The following CSNK1G1 variants were observed in gnomAD, a reference collection of about 807,000 sequenced individuals.
CSNK1G1 encodes casein kinase 1 gamma 1.
CSNK1G1 carries 22 observed loss-of-function variants against 59.6 expected under a neutral mutation model. That is an observed-to-expected ratio of 0.37 (90% CI 0.26 to 0.53). The LOEUF (loss-of-function observed/expected upper bound fraction) is 0.53, where lower values mean the gene tolerates loss of function less well. Ranked by LOEUF, CSNK1G1 falls within the 20% of genes least tolerant of loss-of-function variation. The probability of loss-of-function intolerance (pLI) is 0.89; values close to 1 mark genes in which losing one functional copy is unlikely to be tolerated. For synonymous variants in CSNK1G1, 179 were observed against 177.1 expected, an observed-to-expected ratio of 1.01 and a Z score of -0.08; for missense variants, 384 against 519.5, an observed-to-expected ratio of 0.74 and a Z score of 2.54.
chr15:64,167,678 G>A lies in CSNK1G1; in HGVS notation c.*4253C>T, dbSNP rs1037055636. ...ACCTTAATATGGTTCTGACACTGGA[G>A]ACAATGTTGTTAGGGCAACTCAATG... On this transcript the variant is annotated 3_prime_UTR_variant, in exon 12 of 12. Coordinates refer to ENST00000303052, the MANE Select transcript of CSNK1G1 (RefSeq NM_022048.5). The A allele has an allele frequency of 6.5e-6, 1 of 152,686 alleles. No individual in the cohort carries two copies. Among genetic ancestry groups the A allele is most frequent in the African/African-American group, 2.4e-5 (1 of 41,458 alleles). 9.5% of individuals were successfully genotyped at this position (152,686 alleles called of 1,614,324 possible).
chr15:64,240,525 G>A (rs1054767227), intron 4 of CSNK1G1, among the ~76,000 whole-genome samples: 3 of 151,412 alleles, frequency 2.0e-5, no homozygotes, highest in Admixed American at 6.6e-5. Context: ...CACAAAGAGA[G>A]TACTCTAAAA....
chr15:64,216,850 G>A lies in CSNK1G1; in HGVS notation c.293-137C>T. The A allele has an allele frequency of 1.2e-6, 1 of 800,124 alleles. No individual in the cohort carries two copies. Among genetic ancestry groups the A allele is most frequent in the Admixed American group, 2.9e-5 (1 of 34,640 alleles). The allele number at this position is 800,124 out of a possible 1,614,324, so 49.6% of individuals were successfully genotyped here. ...TCCATTTTCTTTCATAGTCCCTACT[G>A]GAAACTCAAACTGAGCACAACAGCT... On this transcript the variant is annotated intron_variant, in intron 4 of 11. Coordinates refer to ENST00000303052, the MANE Select transcript of CSNK1G1 (RefSeq NM_022048.5). The surrounding 1 kb of genome is among the most constrained non-coding windows in gnomAD (Gnocchi z 4.6).
At chr15:64,225,660 C>T (rs576601696) in intron 4 of CSNK1G1, among the ~76,000 whole-genome samples, 5 of 152,062 alleles carry the variant, frequency 3.3e-5, no homozygotes, top group Admixed American at 1.3e-4. Flanking sequence ...GAGTTTCACT[C>T]GTGTCGCCCA....
intron 2 of CSNK1G1, among the ~76,000 whole-genome samples, chr15:64,299,901 CT>C (rs1895234583): frequency 6.6e-6 from 1 of 152,094 alleles, no homozygotes; most frequent in South Asian, 2.1e-4. Flanking sequence ...AGGATTTACT[CT>C]TTTCTTTTCA....
At chr15:64,238,030 C>T (rs1207796386) in intron 4 of CSNK1G1, among the ~76,000 whole-genome samples, 1 of 152,024 alleles carries the variant, frequency 6.6e-6, no homozygotes, top group Non-Finnish European at 1.5e-5. Flanking sequence ...AATTTCAAAA[C>T]CTAAAAAACT....
chr15:64,177,997 G>A (rs930703830), intron 11 of CSNK1G1, among the ~76,000 whole-genome samples: 8 of 152,158 alleles, frequency 5.3e-5, no homozygotes, highest in African/African-American at 1.9e-4. Context: ...ACCACGCTTG[G>A]TACAGTGGTT....
At chr15:64,271,982 T>C (rs1168131889) in intron 2 of CSNK1G1, among the ~76,000 whole-genome samples, 3 of 152,206 alleles carry the variant, frequency 2.0e-5, no homozygotes, top group Admixed American at 6.5e-5. Flanking sequence ...TCTTATTGAA[T>C]TGAACCTTTT....
chr15:64,300,657 A>C lies in CSNK1G1; in HGVS notation c.-158T>G. On this transcript the variant is annotated 5_prime_UTR_variant, in exon 2 of 12. Coordinates refer to ENST00000303052, the MANE Select transcript of CSNK1G1 (RefSeq NM_022048.5). ...TGTAATGTATCTCCGGGAGATGAAA[A>C]ACCATTTATTTGTTCCCGTAGGAAA... The C allele has an allele frequency of 7.8e-7, 1 of 1,285,330 alleles. No homozygotes were observed. The highest frequency in any genetic ancestry group is 3.1e-5 in the South Asian group (1 of 32,496). 79.6% of individuals were successfully genotyped at this position (1,285,330 alleles called of 1,614,324 possible). A position where few individuals can be genotyped will look rare whatever the true frequency, so the allele number is the denominator to read the frequency against.
At chr15:64,338,217 CA>C (rs1429037680) in intron 1 of CSNK1G1, among the ~76,000 whole-genome samples, 3 of 152,130 alleles carry the variant, frequency 2.0e-5, no homozygotes, top group African/African-American at 7.2e-5. Context: ...ATATTCCCAC[CA>C]GCAATAAATA....
intron 1 of CSNK1G1, among the ~76,000 whole-genome samples, chr15:64,333,654 A>T (rs2140462350): frequency 6.6e-6 from 1 of 152,248 alleles, no homozygotes; most frequent in Admixed American, 6.5e-5. Flanking sequence ...GGCAAAATGG[A>T]TAAAAAATTG....
At chr15:64,314,083 C>T (rs989932795) in intron 1 of CSNK1G1, among the ~76,000 whole-genome samples, 1 of 151,976 alleles carries the variant, frequency 6.6e-6, no homozygotes, top group African/African-American at 2.4e-5. Context: ...CTAAGGATTA[C>T]GGTGAAATCA....
chr15:64,224,136 T>G (rs1192196903), intron 4 of CSNK1G1, among the ~76,000 whole-genome samples: 1 of 152,268 alleles, frequency 6.6e-6, no homozygotes, highest in Non-Finnish European at 1.5e-5. Context: ...GACAACAACC[T>G]TGGCAAGCCC....
chr15:64,204,102 C>A (rs1348579511), intron 9 of CSNK1G1, among the ~76,000 whole-genome samples: 1 of 151,876 alleles, frequency 6.6e-6, no homozygotes, highest in African/African-American at 2.4e-5. Flanking sequence ...GAGATTGGCG[C>A]CATTGCACTC....
chr15:64,349,823 C>T (rs527296029), intron 1 of CSNK1G1, among the ~76,000 whole-genome samples: 1 of 151,712 alleles, frequency 6.6e-6, no homozygotes, highest in South Asian at 2.1e-4. Flanking sequence ...ACCTGTAATC[C>T]CAGCTACTCA....
rs547573598 is a variant in CSNK1G1 at position 64,254,192 on chromosome 15, GAGAC to G, written c.223-2615_223-2612del. ...AGTATCTAGTGTAGTCAAATTCATA[GAGAC>G]AGACAGAATGGTGGTTGCCAAGGGG... is the stretch of plus-strand genomic sequence containing the variant. On this transcript the variant is annotated intron_variant, in intron 3 of 11. Transcript: ENST00000303052. 1.2e-3 allele frequency among the ~76,000 whole-genome samples: 184 copies of G among 151,778 alleles called. 1 individual carries two copies. The highest frequency in any genetic ancestry group is 0.011 in the Admixed American group (162 of 15,220).
chr15:64,195,707 T>G (rs1174835334), intron 10 of CSNK1G1, among the ~76,000 whole-genome samples: 1 of 152,202 alleles, frequency 6.6e-6, no homozygotes, highest in Non-Finnish European at 1.5e-5. Flanking sequence ...ATTAAGGTTT[T>G]CATCCCCTTT....
At chr15:64,190,661 G>A (rs7162204) in intron 10 of CSNK1G1, among the ~76,000 whole-genome samples, 8,633 of 152,120 alleles carry the variant, frequency 0.057, 750 homozygotes, top group African/African-American at 0.19. Flanking sequence ...TGATCCACCC[G>A]CCTCGGCCTC....
intron 1 of CSNK1G1, among the ~76,000 whole-genome samples, chr15:64,301,106 G>A (rs368733181): frequency 1.4e-4 from 21 of 151,936 alleles, no homozygotes; most frequent in African/African-American, 3.4e-4. Context: ...TTTTAATTTC[G>A]CCAAAACTTA....
intron 1 of CSNK1G1, among the ~76,000 whole-genome samples, chr15:64,308,927 G>A (rs1470360541): frequency 1.3e-5 from 2 of 151,806 alleles, no homozygotes; most frequent in Non-Finnish European, 2.9e-5. Context: ...CATGGCTTGA[G>A]GTCATTCCAG....
Sources: gnomAD v4.1 joint callset for allele counts (sites outside exome capture counted in the v4.1 genomes callset) on GRCh38, gnomAD v4.1.1 for gene constraint, Gnocchi (gnomAD v3.1) non-coding constraint, MANE v1.5 for transcripts, NCBI Gene and HGNC (gene_info 2026-07-23, HGNC 2026-07-21) for gene names.